Variants in BMP7 observed in about 807,000 individuals in gnomAD.
BMP7 encodes bone morphogenetic protein 7.
Under a neutral mutation model 41.2 loss-of-function variants are expected in BMP7, and 12 were observed. That is an observed-to-expected ratio of 0.29 (90% CI 0.19 to 0.47). The LOEUF is 0.47. Ranked by LOEUF, BMP7 falls within the 20% of genes least tolerant of loss-of-function variation. The pLI is 0.99. For synonymous variants in BMP7, 248 were observed against 250.0 expected (o/e 0.99, Z 0.07); for missense variants, 467 against 606.0 (o/e 0.77, Z 2.41).
At chr20:57,240,579 T>C (rs2066064833) in intron 1 of BMP7, among the ~76,000 whole-genome samples, 1 of 152,148 alleles carries the variant, frequency 6.6e-6, no homozygotes, top group East Asian at 1.9e-4. Context: ...TACCAATTAA[T>C]GTATTAGTCC....
chr20:57,252,088 C>A (rs2180783), intron 1 of BMP7, among the ~76,000 whole-genome samples: 87,701 of 152,144 alleles, frequency 0.58, 27,804 homozygotes, highest in African/African-American at 0.86. Flanking sequence ...GTGTCTGTGG[C>A]AACTGCTCAA....
intron 1 of BMP7, among the ~76,000 whole-genome samples, chr20:57,250,596 C>G (rs78702658): frequency 0.031 from 4,503 of 147,290 alleles, 88 homozygotes; most frequent in Non-Finnish European, 0.041. Context: ...GAGGGAAACA[C>G]AGAAATGCCA....
At chr20:57,175,633 C>T (rs1053608685) in intron 4 of BMP7, among the ~76,000 whole-genome samples, 1 of 152,192 alleles carries the variant, frequency 6.6e-6, no homozygotes, top group African/African-American at 2.4e-5. Context: ...TGGAAGCATT[C>T]GGGTCAGGGC....
chr20:57,178,762 G>C (rs1479022015), intron 4 of BMP7, among the ~76,000 whole-genome samples: 1 of 152,154 alleles, frequency 6.6e-6, no homozygotes, highest in Non-Finnish European at 1.5e-5. Flanking sequence ...GATGTGTCAG[G>C]TGAAGCTGCT....
At chr20:57,193,679 C>CT (rs374080091) in intron 3 of BMP7, among the ~76,000 whole-genome samples, 5 of 152,350 alleles carry the variant, frequency 3.3e-5, no homozygotes, top group Non-Finnish European at 7.3e-5. Flanking sequence ...ATCCATCCAT[C>CT]TGGTGGCTTC....
chr20:57,183,601 A>AGG (rs1227240012), intron 4 of BMP7, 121 bp downstream of exon 4: 1 of 1,312,422 alleles, frequency 7.6e-7, no homozygotes, highest in East Asian at 2.4e-5. Context: ...TTCCTGCTAT[A>AGG]TTTGTTCCAG....
chr20:57,178,702 G>C (rs200798139), intron 4 of BMP7, among the ~76,000 whole-genome samples: 6 of 150,812 alleles, frequency 4.0e-5, no homozygotes, highest in East Asian at 1.9e-4. Flanking sequence ...TCTTCCCTGT[G>C]GGGGGGTAGA....
chr20:57,228,470 T>C lies in BMP7; in HGVS notation c.419-49A>G. The C allele has an allele frequency of 6.3e-7, 1 of 1,597,074 alleles. No individual in the cohort carries two copies. Among genetic ancestry groups the C allele is most frequent in the Non-Finnish European group, 8.6e-7 (1 of 1,164,580 alleles). On this transcript the variant is annotated intron_variant, in intron 1 of 6. Transcript: ENST00000395863. The surrounding 1 kb of genome is among the most constrained non-coding windows in gnomAD (Gnocchi z 4.5). ...CCAACACCGACAGCTCATTAGTGTCTGGGTTTCACTCTCTGGCTCTGAGTC... is the reference window on the plus strand; with the variant it reads ...CCAACACCGACAGCTCATTAGTGTCCGGGTTTCACTCTCTGGCTCTGAGTC...
At chr20:57,225,918 G>C (rs192121279) in intron 2 of BMP7, 1 of 471,280 alleles carries the variant, frequency 2.1e-6, no homozygotes, top group South Asian at 1.5e-5. Flanking sequence ...TGTCTGGTTC[G>C]TTCTGGTCGA....
intron 4 of BMP7, among the ~76,000 whole-genome samples, chr20:57,175,427 GC>G: frequency 6.6e-6 from 1 of 152,268 alleles, no homozygotes; most frequent in East Asian, 1.9e-4. Context: ...AACTCGTGAG[GC>G]CCCAACACAC....
At position 57,245,125 on chromosome 20, in the gene BMP7, C is replaced by T. The variant is rs184654034; in HGVS notation, c.419-16704G>A. On this transcript the variant is annotated intron_variant, in intron 1 of 6. Coordinates refer to ENST00000395863, the MANE Select transcript of BMP7 (RefSeq NM_001719.3). ...TTCTGAAAACAGGAAGGTGCAGAGA[C>T]GTACAAAAGCCGCCCCAGGGGCTGA... Among the ~76,000 whole-genome samples, 160 of 152,216 alleles carry T rather than the reference C, an allele frequency of 1.1e-3. 2 individuals are homozygous for T. Among genetic ancestry groups the T allele is most frequent in the Admixed American group, 2.2e-3 (33 of 15,294 alleles).
chr20:57,199,934 G>A (rs557277738), intron 3 of BMP7, among the ~76,000 whole-genome samples: 1 of 152,358 alleles, frequency 6.6e-6, no homozygotes, highest in Admixed American at 6.5e-5. Flanking sequence ...GAGTCAGAGG[G>A]GGACAGGGAC....
intron 2 of BMP7, 111 bp from the exon 3 acceptor site, chr20:57,202,734 A>G (rs1984652738): frequency 8.0e-7 from 1 of 1,256,898 alleles, no homozygotes; most frequent in Admixed American, 2.0e-5. Context: ...GAAAGAGTCC[A>G]CTGGTCCCCG....
rs564711299 is a variant in BMP7 at position 57,211,192 on chromosome 20, A to G, written c.612-8569T>C. On this transcript the variant is annotated intron_variant, in intron 2 of 6. Transcript: ENST00000395863. ...CTCCCACCTCCTCCTCCCTCCTCCAATGAGGTCAGTACAATCCGCATCCCC... is the reference window on the plus strand; with the variant it reads ...CTCCCACCTCCTCCTCCCTCCTCCAGTGAGGTCAGTACAATCCGCATCCCC... 3.5e-3 allele frequency among the ~76,000 whole-genome samples: 528 copies of G among 152,274 alleles called. 3 individuals carry two copies. Among genetic ancestry groups the G allele is most frequent in the African/African-American group, 0.012 (504 of 41,566 alleles).
At chr20:57,248,111 A>G (rs879024748) in intron 1 of BMP7, among the ~76,000 whole-genome samples, 2 of 152,336 alleles carry the variant, frequency 1.3e-5, no homozygotes, top group Admixed American at 6.5e-5. Context: ...AACCTTCTGT[A>G]TATATTCACA....
chr20:57,189,589 C>T (rs938332419), intron 3 of BMP7, among the ~76,000 whole-genome samples: 17 of 152,300 alleles, frequency 1.1e-4, no homozygotes, highest in Middle Eastern at 3.4e-3. Flanking sequence ...CTGCCCTTTA[C>T]GTAATATATT....
chr20:57,241,454 G>A (rs950049881), intron 1 of BMP7, among the ~76,000 whole-genome samples: 1 of 152,100 alleles, frequency 6.6e-6, no homozygotes, highest in African/African-American at 2.4e-5. Flanking sequence ...CCCTCCCCAG[G>A]CCCCCAGATT....
intron 1 of BMP7, among the ~76,000 whole-genome samples, chr20:57,265,041 A>AG (rs1457768069): frequency 1.9e-4 from 27 of 139,484 alleles, no homozygotes; most frequent in Non-Finnish European, 3.6e-4. Flanking sequence ...CAAAAAAAAA[A>AG]AAAAAGAAAA....
intron 2 of BMP7, among the ~76,000 whole-genome samples, chr20:57,207,406 G>C (rs1984757257): frequency 6.6e-6 from 1 of 152,184 alleles, no homozygotes; most frequent in Non-Finnish European, 1.5e-5. Flanking sequence ...AAGAGTAGAA[G>C]AACCACCCAG....
Sources: allele counts gnomAD v4.1 joint callset (sites outside exome capture counted in the v4.1 genomes callset), GRCh38; gene constraint gnomAD v4.1.1; non-coding constraint Gnocchi (gnomAD v3.1); transcripts MANE v1.5; gene names NCBI Gene and HGNC (gene_info 2026-07-23, HGNC 2026-07-21).